Variants in SCN11A observed in about 807,000 individuals in gnomAD.
The protein encoded by SCN11A is sodium voltage-gated channel alpha subunit 11.
Under a neutral mutation model 162.2 loss-of-function variants are expected in SCN11A, and 122 were observed. The observed-to-expected ratio is 0.75, with a 90% CI of 0.65 to 0.87. SCN11A has a LOEUF of 0.87. Ranked by LOEUF, SCN11A falls within the 40% of genes least tolerant of loss-of-function variation. SCN11A has a pLI of 0.00. For missense variants in SCN11A, 2,015 were observed against 2,181.6 expected (o/e 0.92, Z 1.52); for synonymous variants, 758 against 751.5 (o/e 1.01, Z -0.14).
rs184288475 is a variant in SCN11A at position 38,870,098 on chromosome 3, T to C, written c.3813+593A>G. Among the ~76,000 whole-genome samples the C allele has an allele frequency of 5.3e-5, 8 of 152,320 alleles. No homozygotes were observed. In the East Asian group the frequency reaches 1.3e-3, roughly 26 times the overall value. On this transcript the variant is annotated intron_variant, in intron 26 of 29. Transcript: ENST00000302328. ...TACTCTATGGCTTTGGGAAACTCTT[T>C]CTTTTTATCCCTCAACTTTCCAAGC...
intron 11 of SCN11A, among the ~76,000 whole-genome samples, chr3:38,912,706 C>T (rs2065902369): frequency 6.6e-6 from 1 of 152,192 alleles, no homozygotes; most frequent in Non-Finnish European, 1.5e-5. Context: ...TTAACTCCCA[C>T]TTACAAGTGA....
At chr3:39,015,798 G>A (rs531758930) in intron 2 of SCN11A, among the ~76,000 whole-genome samples, 7 of 152,240 alleles carry the variant, frequency 4.6e-5, no homozygotes, top group Admixed American at 6.5e-5. Flanking sequence ...GTGCAGTGGC[G>A]TGGTCTCGGG....
Position 38,921,266 on chromosome 3 carries a change from G to C in SCN11A, c.713-11C>G. On this transcript the variant is annotated splice_polypyrimidine_tract_variant and intron_variant, in intron 9 of 29. Transcript: ENST00000302328. ...CGATGACCTTCAGACCTGAGAAAGA[G>C]GACAGGCTTGGGGAGAAGCCCATCC... is the stretch of plus-strand genomic sequence containing the variant. The C allele has an allele frequency of 6.2e-7, 1 of 1,612,758 alleles. No homozygotes were observed. The highest frequency in any genetic ancestry group is 1.3e-5 in the African/African-American group (1 of 75,008).
At chr3:39,008,853 G>A (rs2031048594) in intron 2 of SCN11A, among the ~76,000 whole-genome samples, 1 of 149,236 alleles carries the variant, frequency 6.7e-6, no homozygotes, top group East Asian at 2.0e-4. Context: ...TTGCATTCCA[G>A]CCTGGGCAAC....
rs2066046985 is a variant in SCN11A at position 38,921,232 on chromosome 3, A to G, written c.736T>C (p.Leu246=). Residue 246 remains leucine, a synonymous_variant, in exon 10 of 30, where the codon TTG becomes CTG. Coordinates refer to ENST00000302328, the MANE Select transcript of SCN11A (RefSeq NM_001349253.2). ...VSRLKVIVGA[L]LRSVKKLVNV... Reference sequence around the variant, plus strand: ...ACCAGCTTCTTCACAGAGCGTAGCAAGGCCCCCACGATGACCTTCAGACCT... The same window carrying G: ...ACCAGCTTCTTCACAGAGCGTAGCAGGGCCCCCACGATGACCTTCAGACCT... 6.2e-7 allele frequency: 1 copy of G among 1,613,906 alleles called. No individual in the cohort carries two copies. The highest frequency in any genetic ancestry group is 1.7e-5 in the Admixed American group (1 of 59,994).
Position 38,925,475 on chromosome 3 carries a change from G to C in SCN11A, c.652C>G (p.Leu218Val), listed in dbSNP as rs764496950. Residue 218 changes from leucine (L) to valine (V), a missense_variant, in exon 9 of 30, where the codon CTA (leucine) becomes GTA (valine). Transcript: ENST00000302328. ...VSYIPGITIKLLPLRTFRVFR... is the reference protein window; with the variant it reads ...VSYIPGITIKVLPLRTFRVFR... ...ACACGGAAGGTACGCAGGGGCAATA[G>C]TTTGATGGTGATTCCTGGAATATAT... 1.9e-6 allele frequency: 3 copies of C among 1,613,698 alleles called. No individual in the cohort carries two copies. Among genetic ancestry groups the C allele is most frequent in the Admixed American group, 3.3e-5 (2 of 60,014 alleles).
chr3:38,911,309 T>C (rs530593196), intron 11 of SCN11A, among the ~76,000 whole-genome samples: 3 of 152,228 alleles, frequency 2.0e-5, no homozygotes, highest in Non-Finnish European at 4.4e-5. Flanking sequence ...AATAGAATTC[T>C]GAGTTGGAAG....
At chr3:38,937,843 C>G (rs2066361580) in intron 7 of SCN11A, among the ~76,000 whole-genome samples, 1 of 152,200 alleles carries the variant, frequency 6.6e-6, no homozygotes, top group East Asian at 1.9e-4. Context: ...GGACCTAGAA[C>G]TAGAAATACC....
chr3:38,852,017 G>A (rs1045938248), intron 28 of SCN11A, among the ~76,000 whole-genome samples: 1 of 152,156 alleles, frequency 6.6e-6, no homozygotes, highest in African/African-American at 2.4e-5. Flanking sequence ...ACCTGAGCAG[G>A]TTGAGTTGAG....
Position 38,950,218 on chromosome 3 carries a change from G to C in SCN11A, c.145C>G (p.Gln49Glu), listed in dbSNP as rs1270992359. ...TTTAGGTCAAGCTGAGGCCGAGGCT[G>C]GGGTACTTCTCCTGTCTGGTCTTTA... ...KSKDQTGEVP[Q>E]PRPQLDLKAS... Residue 49 changes from glutamine to glutamate, a missense_variant, in exon 5 of 30, where the codon CAG becomes GAG. Physicochemically the swap from Gln to Glu is conservative, Grantham distance 29. Coordinates refer to ENST00000302328, the MANE Select transcript of SCN11A (RefSeq NM_001349253.2). 1 of 1,614,004 alleles carries C rather than the reference G, an allele frequency of 6.2e-7. No homozygotes were observed. Among genetic ancestry groups the C allele is most frequent in the South Asian group, 1.1e-5 (1 of 91,070 alleles).
In SCN11A at chr3:38,894,850, G is replaced by A. The variant is rs754864849; in HGVS notation, c.2518C>T (p.Arg840Cys). The A allele has an allele frequency of 9.1e-5, 147 of 1,614,174 alleles. No homozygotes were observed. The East Asian group carries it at 2.5e-3, about 27-fold the overall frequency. ...TKVQLALDRF[R>C]RAFCFVRHTL... is the part of the protein sequence containing the mutation. ...TGTCTCACAAAACAAAAAGCCCGGC[G>A]GAATCGATCCAGTGCTAACTGGACT... Residue 840 changes from arginine (R) to cysteine (C), a missense_variant, in exon 19 of 30, where the codon CGC becomes TGC. By Grantham distance (180) the Arg-to-Cys change is radical. Transcript: ENST00000302328.
chr3:38,872,170 A>G (rs531439433), intron 24 of SCN11A, 23 bp downstream of exon 24: 35 of 1,345,464 alleles, frequency 2.6e-5, no homozygotes, highest in South Asian at 3.5e-5. Flanking sequence ...CTGAACTTCT[A>G]CCCATTCTTC....
At chr3:38,880,874 T>C (rs2065297800) in intron 22 of SCN11A, among the ~76,000 whole-genome samples, 1 of 152,182 alleles carries the variant, frequency 6.6e-6, no homozygotes, top group Non-Finnish European at 1.5e-5. Flanking sequence ...AACTAGCGTA[T>C]AAGCTGTCCT....
intron 9 of SCN11A, among the ~76,000 whole-genome samples, chr3:38,924,662 T>C (rs573956123): frequency 7.2e-4 from 109 of 152,198 alleles, no homozygotes; most frequent in African/African-American, 2.3e-3. Flanking sequence ...AGTGAGCCAC[T>C]GCACCTGGCC....
chr3:38,978,892 T>G (rs187898152), intron 2 of SCN11A, among the ~76,000 whole-genome samples: 1 of 152,240 alleles, frequency 6.6e-6, no homozygotes, highest in East Asian at 1.9e-4. Flanking sequence ...ACAGGGTATT[T>G]GCACATGCCA....
intron 2 of SCN11A, among the ~76,000 whole-genome samples, chr3:38,965,838 G>A (rs1002306034): frequency 4.6e-5 from 7 of 152,154 alleles, no homozygotes; most frequent in African/African-American, 4.8e-5. Context: ...CCGAGGCCTG[G>A]GTATGGTGGT....
At chr3:38,948,553 C>G (rs1209040910) in intron 5 of SCN11A, among the ~76,000 whole-genome samples, 1 of 152,216 alleles carries the variant, frequency 6.6e-6, no homozygotes, top group Admixed American at 6.5e-5. Context: ...GCTGCTTGAC[C>G]TGGCTTAAGC....
intron 2 of SCN11A, among the ~76,000 whole-genome samples, chr3:39,027,759 G>A (rs2031627488): frequency 6.6e-6 from 1 of 152,168 alleles, no homozygotes; most frequent in Non-Finnish European, 1.5e-5. Context: ...TTAGCTGGTG[G>A]CTTCTCTGGA....
chr3:38,851,686 A>G (rs1410403481), intron 28 of SCN11A, among the ~76,000 whole-genome samples: 4 of 152,212 alleles, frequency 2.6e-5, no homozygotes, highest in African/African-American at 9.6e-5. Context: ...GTTTTATATT[A>G]TATTATCACC....
Sources: allele counts gnomAD v4.1 joint callset (sites outside exome capture counted in the v4.1 genomes callset), GRCh38; gene constraint gnomAD v4.1.1; transcripts MANE v1.5; gene names NCBI Gene and HGNC (gene_info 2026-07-23, HGNC 2026-07-21).